Variants in GOLM2 observed in about 807,000 individuals in gnomAD.
GOLM2 encodes the protein golgi membrane protein 2, also known as protein GOLM2.
Under a neutral mutation model 55.9 loss-of-function variants are expected in GOLM2, and 26 were observed. That is an observed-to-expected ratio of 0.47 (90% CI 0.34 to 0.65). The LOEUF (loss-of-function observed/expected upper bound fraction) is 0.65, where lower values mean the gene tolerates loss of function less well. Among genes scored for constraint, GOLM2 ranks in the 30% least tolerant of loss-of-function variants. The probability of loss-of-function intolerance (pLI) is 0.01; values close to 1 mark genes in which losing one functional copy is unlikely to be tolerated. For missense variants in GOLM2, 486 were observed against 531.8 expected, an observed-to-expected ratio of 0.91 and a Z score of 0.85; for synonymous variants, 165 against 194.6, an observed-to-expected ratio of 0.85 and a Z score of 1.27.
At chr15:44,365,110 G>A (rs779598305) in intron 6 of GOLM2, among the ~76,000 whole-genome samples, 1 of 152,250 alleles carries the variant, frequency 6.6e-6, no homozygotes, top group Middle Eastern at 3.4e-3. Context: ...AGCTTTATTC[G>A]TAATTGCCAA....
chr15:44,352,663 G>A (rs542732617), intron 6 of GOLM2, among the ~76,000 whole-genome samples: 2 of 152,148 alleles, frequency 1.3e-5, no homozygotes, highest in South Asian at 2.1e-4. Context: ...TTTAATCCTA[G>A]TACTTTGGGA....
intron 6 of GOLM2, among the ~76,000 whole-genome samples, chr15:44,338,755 T>G (rs1182682940): frequency 6.6e-6 from 1 of 152,182 alleles, no homozygotes; most frequent in Non-Finnish European, 1.5e-5. Flanking sequence ...GGCTTGTCCT[T>G]TTAGTGAATT....
intron 8 of GOLM2, among the ~76,000 whole-genome samples, chr15:44,388,826 T>G (rs1028182350): frequency 6.6e-5 from 10 of 152,148 alleles, no homozygotes; most frequent in Admixed American, 1.3e-4. Context: ...AATTCATTTT[T>G]TTTTTTTTAG....
intron 2 of GOLM2, among the ~76,000 whole-genome samples, chr15:44,323,619 T>C (rs1332325079): frequency 1.3e-5 from 2 of 151,680 alleles, no homozygotes; most frequent in Admixed American, 6.6e-5. Context: ...CCATAGCTGT[T>C]AGCCTTTGAA....
intron 8 of GOLM2, among the ~76,000 whole-genome samples, chr15:44,400,230 C>T (rs1260631050): frequency 6.6e-6 from 1 of 151,844 alleles, no homozygotes; most frequent in East Asian, 1.9e-4. Flanking sequence ...CAAGCTTATA[C>T]TAGAATAGTT....
At chr15:44,317,708 A>T (rs1163255449) in intron 1 of GOLM2, among the ~76,000 whole-genome samples, 1 of 152,118 alleles carries the variant, frequency 6.6e-6, no homozygotes, top group Non-Finnish European at 1.5e-5. Context: ...CTGCCTACTG[A>T]AGATCTCTTC....
At chr15:44,358,831 G>T (rs1019514590) in intron 6 of GOLM2, among the ~76,000 whole-genome samples, 2 of 152,162 alleles carry the variant, frequency 1.3e-5, no homozygotes, top group African/African-American at 4.8e-5. Context: ...ATCCATGAAA[G>T]AAATAATTGA....
intron 9 of GOLM2, among the ~76,000 whole-genome samples, chr15:44,412,521 C>G (rs1345910620): frequency 6.6e-5 from 10 of 151,988 alleles, no homozygotes; most frequent in African/African-American, 2.4e-4. Context: ...TAAAGAAATT[C>G]ACTAAAATGT....
chr15:44,334,128 T>G (rs905508874), intron 4 of GOLM2, among the ~76,000 whole-genome samples: 1 of 152,214 alleles, frequency 6.6e-6, no homozygotes, highest in Non-Finnish European at 1.5e-5. Context: ...ATTAATTAAC[T>G]AATGCTTCTC....
At chr15:44,332,126 A>C in intron 4 of GOLM2, 48 bp downstream of exon 4, 1 of 934,936 alleles carries the variant, frequency 1.1e-6, no homozygotes, top group Non-Finnish European at 1.6e-6. Flanking sequence ...ATTATAAATC[A>C]TGGTAATTTA....
intron 1 of GOLM2, among the ~76,000 whole-genome samples, chr15:44,315,672 T>C (rs552598293): frequency 6.6e-6 from 1 of 152,028 alleles, no homozygotes; most frequent in South Asian, 2.1e-4. Context: ...AACATAAAAC[T>C]CAGGAGAGAG....
Position 44,327,243 on chromosome 15 carries a change from G to A in GOLM2, c.383-1442G>A, listed in dbSNP as rs188204447. Among the ~76,000 whole-genome samples the A allele has an allele frequency of 1.7e-3, 255 of 148,540 alleles. 1 individual carries two copies. The highest frequency in any genetic ancestry group is 6.1e-3 in the African/African-American group (247 of 40,734). On this transcript the variant is annotated intron_variant, in intron 2 of 9. Transcript: ENST00000299957. ...TGGGATTACAGGCATGAGCCACCAC[G>A]CCCAGCCCCAACATCTGCTTTTTAA...
At chr15:44,362,596 T>C (rs1478489264) in intron 6 of GOLM2, among the ~76,000 whole-genome samples, 16 of 152,062 alleles carry the variant, frequency 1.1e-4, no homozygotes, top group Non-Finnish European at 1.6e-4. Context: ...AGAATCGATA[T>C]CATGAAAATG....
rs1294146101 is a variant in GOLM2 at position 44,339,528 on chromosome 15, G to A, written c.802+1211G>A. Among the ~76,000 whole-genome samples the A allele has an allele frequency of 1.1e-4, 16 of 151,786 alleles. No individual in the cohort carries two copies. In the East Asian group the frequency reaches 2.5e-3, roughly 24 times the overall value. On this transcript the variant is annotated intron_variant, in intron 6 of 9. Transcript: ENST00000299957. ...TAATTTTTGTATTTTCAGTAGAGAC[G>A]AGGTTTCACCATGTTGGCCAGCTGG... is the stretch of plus-strand genomic sequence containing the variant.
At chr15:44,380,778 C>T in intron 7 of GOLM2, 28 bp from the exon 8 acceptor site, 2 of 1,371,034 alleles carry the variant, frequency 1.5e-6, no homozygotes, top group Non-Finnish European at 1.9e-6. Context: ...AAATTATATT[C>T]TTTTAATTTG....
chr15:44,383,650 T>A (rs571221946), intron 8 of GOLM2, among the ~76,000 whole-genome samples: 51 of 151,464 alleles, frequency 3.4e-4, no homozygotes, highest in Non-Finnish European at 6.6e-4. Context: ...TTTATTTGTA[T>A]CAACTCTTTT....
At chr15:44,364,769 G>A (rs2079272774) in intron 6 of GOLM2, among the ~76,000 whole-genome samples, 1 of 152,002 alleles carries the variant, frequency 6.6e-6, no homozygotes, top group Non-Finnish European at 1.5e-5. Flanking sequence ...CCTCACCAAA[G>A]AAGGCATAAA....
At chr15:44,341,144 G>C (rs533413512) in intron 6 of GOLM2, among the ~76,000 whole-genome samples, 1 of 145,056 alleles carries the variant, frequency 6.9e-6, no homozygotes, top group African/African-American at 2.6e-5. Flanking sequence ...GCAGTGATGC[G>C]ATCTTGGCTC....
intron 6 of GOLM2, among the ~76,000 whole-genome samples, chr15:44,376,445 T>C (rs2079365512): frequency 6.6e-6 from 1 of 152,106 alleles, no homozygotes; most frequent in Admixed American, 6.6e-5. Flanking sequence ...TATTTACTTT[T>C]AGTAGAGACA....
Sources: allele counts gnomAD v4.1 joint callset (sites outside exome capture counted in the v4.1 genomes callset), GRCh38; gene constraint gnomAD v4.1.1; transcripts MANE v1.5; gene names NCBI Gene and HGNC (gene_info 2026-07-23, HGNC 2026-07-21).